The following TACR1 variants were observed in gnomAD, a reference collection of about 807,000 sequenced individuals.
TACR1 encodes tachykinin receptor 1.
Under a neutral mutation model 35.8 loss-of-function variants are expected in TACR1, and 25 were observed. That is an observed-to-expected ratio of 0.70 (90% CI 0.51 to 0.98). The LOEUF (loss-of-function observed/expected upper bound fraction) is 0.98. TACR1 is among the 50% of genes least tolerant of loss of function. The pLI is 0.00. For missense variants in TACR1, 478 were observed against 522.9 expected, an observed-to-expected ratio of 0.91 and a Z score of 0.84; for synonymous variants, 195 against 206.7, an observed-to-expected ratio of 0.94 and a Z score of 0.48.
At chr2:75,053,552 G>C in intron 3 of TACR1, 53 bp downstream of exon 3, 3 of 1,460,044 alleles carry the variant, frequency 2.1e-6, no homozygotes, top group Non-Finnish European at 2.7e-6. Flanking sequence ...ATCCCTTCTC[G>C]ACAGCCTGTT....
At chr2:75,062,775 G>A (rs182508229) in intron 2 of TACR1, among the ~76,000 whole-genome samples, 112 of 152,302 alleles carry the variant, frequency 7.4e-4, no homozygotes, top group Admixed American at 1.4e-3. Context: ...CCTTTTGTTT[G>A]CACAGCTGCA....
chr2:75,109,743 A>T (rs1673715713), intron 2 of TACR1, among the ~76,000 whole-genome samples: 1 of 152,264 alleles, frequency 6.6e-6, no homozygotes, highest in South Asian at 2.1e-4. Flanking sequence ...AACATTAAAA[A>T]TGCAGAGGAA....
At chr2:75,104,846 G>C (rs774868004) in intron 2 of TACR1, among the ~76,000 whole-genome samples, 29 of 152,032 alleles carry the variant, frequency 1.9e-4, no homozygotes. Context: ...TATCAGCTCA[G>C]AACTGTTATG....
chr2:75,078,230 C>G (rs1426808643), intron 2 of TACR1, among the ~76,000 whole-genome samples: 2 of 151,948 alleles, frequency 1.3e-5, no homozygotes, highest in Admixed American at 1.3e-4. Context: ...GTTCAGTGCC[C>G]CCATTCAGAT....
chr2:75,187,011 C>T (rs1462442980), intron 1 of TACR1: 1 of 152,178 alleles, frequency 6.6e-6, no homozygotes, highest in Non-Finnish European at 1.5e-5. Flanking sequence ...GCAGAAAGCC[C>T]AGCTCTTGGA....
intron 2 of TACR1, among the ~76,000 whole-genome samples, chr2:75,070,418 G>C (rs951633340): frequency 2.0e-5 from 3 of 152,094 alleles, no homozygotes; most frequent in Non-Finnish European, 4.4e-5. Context: ...GTGGTACAGA[G>C]CCTTGTTAAC....
chr2:75,066,289 T>A (rs1321936304), intron 2 of TACR1, among the ~76,000 whole-genome samples: 2 of 152,208 alleles, frequency 1.3e-5, no homozygotes, highest in Non-Finnish European at 2.9e-5. Context: ...TTCAAGTCAC[T>A]CAGGGTTGAA....
chr2:75,173,014 T>A (rs1675327338), intron 1 of TACR1, among the ~76,000 whole-genome samples: 1 of 152,050 alleles, frequency 6.6e-6, no homozygotes, highest in African/African-American at 2.4e-5. Flanking sequence ...AAAAATCCTA[T>A]CAGCAAATAA....
intron 1 of TACR1, among the ~76,000 whole-genome samples, chr2:75,174,028 C>G (rs1675353516): frequency 6.6e-6 from 1 of 152,164 alleles, no homozygotes; most frequent in African/African-American, 2.4e-5. Context: ...TGCTTCACTC[C>G]TCACACACTC....
chr2:75,080,324 G>A (rs10183194), intron 2 of TACR1, among the ~76,000 whole-genome samples: 118 of 152,230 alleles, frequency 7.8e-4, no homozygotes, highest in African/African-American at 2.5e-3. Context: ...GCACATGCAT[G>A]ACAACACACA....
At chr2:75,050,307 C>CAGTTAGACT (rs1672440874) in intron 4 of TACR1, among the ~76,000 whole-genome samples, 1 of 152,194 alleles carries the variant, frequency 6.6e-6, no homozygotes, top group Admixed American at 6.5e-5. Flanking sequence ...GTGAATGTGT[C>CAGTTAGACT]AGTTAGACTA....
intron 2 of TACR1, among the ~76,000 whole-genome samples, chr2:75,098,335 TC>T (rs1404723741): frequency 1.3e-5 from 2 of 152,152 alleles, no homozygotes. Flanking sequence ...CACAAATTTG[TC>T]CTAGATGTTT....
At chr2:75,099,336 C>G (rs78321384) in intron 2 of TACR1, among the ~76,000 whole-genome samples, 1 of 152,176 alleles carries the variant, frequency 6.6e-6, no homozygotes, top group Admixed American at 6.5e-5. Flanking sequence ...ACATCCTGTC[C>G]ATAAATACCA....
intron 1 of TACR1, among the ~76,000 whole-genome samples, chr2:75,137,728 C>CAAAAAAAAAAAAAAAAAAA (rs11326632): frequency 2.1e-5 from 1 of 47,516 alleles, no homozygotes; most frequent in Non-Finnish European, 3.5e-5. Flanking sequence ...GTCTCCGTCT[C>CAAAAAAAAAAAAAAAAAAA]AAAAAAAAAA....
At chr2:75,192,284 T>G (rs1286190935) in intron 1 of TACR1, among the ~76,000 whole-genome samples, 2 of 152,126 alleles carry the variant, frequency 1.3e-5, no homozygotes, top group Non-Finnish European at 2.9e-5. Flanking sequence ...TGCTTCAAGA[T>G]AAATAGAAGC....
At chr2:75,061,629 G>A (rs185173852) in intron 2 of TACR1, among the ~76,000 whole-genome samples, 15 of 152,296 alleles carry the variant, frequency 9.8e-5, no homozygotes, top group African/African-American at 3.6e-4. Flanking sequence ...TCCATCAACT[G>A]CATCCAGACA....
intron 1 of TACR1, among the ~76,000 whole-genome samples, chr2:75,182,469 A>G (rs1675582611): frequency 6.6e-6 from 1 of 152,214 alleles, no homozygotes. Context: ...CCATACTGAC[A>G]GTGTGAATTT....
At chr2:75,177,507 C>G (rs2104035004) in intron 1 of TACR1, among the ~76,000 whole-genome samples, 1 of 152,334 alleles carries the variant, frequency 6.6e-6, no homozygotes, top group East Asian at 1.9e-4. Flanking sequence ...CACTGTCTGA[C>G]CATTGCCTCC....
chr2:75,093,138 A>G (rs191570930), intron 2 of TACR1, among the ~76,000 whole-genome samples: 2 of 152,126 alleles, frequency 1.3e-5, no homozygotes, highest in East Asian at 3.9e-4. Flanking sequence ...AGGTGACAAT[A>G]TGTTGCAGTT....
Sources: gnomAD v4.1 joint callset for allele counts (sites outside exome capture counted in the v4.1 genomes callset) on GRCh38, gnomAD v4.1.1 for gene constraint, MANE v1.5 for transcripts, NCBI Gene and HGNC (gene_info 2026-07-23, HGNC 2026-07-21) for gene names.